PCED1B: variants seen among roughly 807,000 people sequenced by gnomAD.
The protein encoded by PCED1B is PC-esterase domain-containing protein 1B.
For synonymous variants in PCED1B, 251 were observed against 246.1 expected, an observed-to-expected ratio of 1.02 and a Z score of -0.19; for missense variants, 573 against 573.9, an observed-to-expected ratio of 1.00 and a Z score of 0.02.
At chr12:47,230,621 TC>T in intron 3 of PCED1B, among the ~76,000 whole-genome samples, 1 of 152,168 alleles carries the variant, frequency 6.6e-6, no homozygotes, top group Middle Eastern at 3.4e-3. Flanking sequence ...TTTGTATTTT[TC>T]GTAGAGACAG....
chr12:47,190,856 T>TA (rs1942419621), intron 2 of PCED1B, among the ~76,000 whole-genome samples: 1 of 152,166 alleles, frequency 6.6e-6, no homozygotes, highest in Admixed American at 6.5e-5. Context: ...TGGGGGGCTT[T>TA]TACGAGTAAG....
At chr12:47,227,798 AGC>A (rs1455966210) in intron 3 of PCED1B, among the ~76,000 whole-genome samples, 1 of 151,920 alleles carries the variant, frequency 6.6e-6, no homozygotes, top group African/African-American at 2.4e-5. Context: ...AGTTTCAGTG[AGC>A]TGAGATCTCG....
chr12:47,217,397 GA>G (rs34938327), intron 3 of PCED1B, among the ~76,000 whole-genome samples: 43,137 of 134,570 alleles, frequency 0.32, 10,954 homozygotes, highest in African/African-American at 0.64. Flanking sequence ...AGACAAGAAA[GA>G]AACAGAGAGA....
Position 47,219,218 on chromosome 12 carries a change from A to G in PCED1B, c.-58+2529A>G, listed in dbSNP as rs547010110. ...GAATTTAAATACTACAAAAATGGTA[A>G]CAATAATGATAGCAACAATAATAAA... On this transcript the variant is annotated intron_variant, in intron 3 of 3. Transcript: ENST00000546455. Among the ~76,000 whole-genome samples, 8 of 152,350 alleles carry G rather than the reference A, an allele frequency of 5.3e-5. No homozygotes were observed. The East Asian group carries it at 9.6e-4, about 18-fold the overall frequency.
At chr12:47,187,876 G>A (rs1048880524) in intron 2 of PCED1B, 6 of 153,986 alleles carry the variant, frequency 3.9e-5, no homozygotes, top group Non-Finnish European at 5.9e-5. Flanking sequence ...TGTAGAGGAA[G>A]ACCCCAGAAG....
chr12:47,220,285 C>T (rs1291680690), intron 3 of PCED1B, among the ~76,000 whole-genome samples: 2 of 152,060 alleles, frequency 1.3e-5, no homozygotes, highest in African/African-American at 4.8e-5. Flanking sequence ...AATTCTCTTG[C>T]CTCGGCCTCC....
chr12:47,203,130 C>T lies in PCED1B; in HGVS notation c.-525-13092C>T, dbSNP rs542886657. ...GACTACAGGCAGCCGCCACCATGCC[C>T]GGCTAATTTTTGTATTTTTAGTAGA... On this transcript the variant is annotated intron_variant, in intron 2 of 3. Transcript: ENST00000546455. Among the ~76,000 whole-genome samples, 7 of 151,918 alleles carry T rather than the reference C, an allele frequency of 4.6e-5. No individual in the cohort carries two copies. In the South Asian group the frequency reaches 6.2e-4, roughly 14 times the overall value.
chr12:47,096,980 C>T (rs868298733), intron 1 of PCED1B, among the ~76,000 whole-genome samples: 5 of 152,142 alleles, frequency 3.3e-5, no homozygotes, highest in African/African-American at 9.7e-5. Context: ...ACTAAATATA[C>T]CCAGTCGAAT....
At chr12:47,093,036 T>G (rs959848283) in intron 1 of PCED1B, among the ~76,000 whole-genome samples, 4 of 152,034 alleles carry the variant, frequency 2.6e-5, no homozygotes, top group Non-Finnish European at 5.9e-5. Flanking sequence ...CTTCTCTTTC[T>G]GTGTTCTGGA....
intron 2 of PCED1B, among the ~76,000 whole-genome samples, chr12:47,184,351 G>A (rs1256986332): frequency 6.6e-6 from 1 of 152,112 alleles, no homozygotes; most frequent in Non-Finnish European, 1.5e-5. Flanking sequence ...TTGATTTATA[G>A]CATTTGCAGA....
intron 3 of PCED1B, among the ~76,000 whole-genome samples, chr12:47,229,800 C>G (rs529357486): frequency 9.2e-5 from 14 of 151,882 alleles, no homozygotes; most frequent in Non-Finnish European, 1.3e-4. Flanking sequence ...GATGGAGTCT[C>G]TCTCTGTCAC....
intron 1 of PCED1B, among the ~76,000 whole-genome samples, chr12:47,081,986 G>A (rs1937754440): frequency 6.6e-6 from 1 of 152,174 alleles, no homozygotes; most frequent in African/African-American, 2.4e-5. Flanking sequence ...TTATCCATTT[G>A]AAGACCTGAT....
rs552147313 is a variant in PCED1B at position 47,167,154 on chromosome 12, G to A, written c.-525-49068G>A. ...AGGAGATATCTTTAAAGATGGAAATGTTCTAAATTTTCTTTATTAAAGGAA... is the reference window on the plus strand; with the variant it reads ...AGGAGATATCTTTAAAGATGGAAATATTCTAAATTTTCTTTATTAAAGGAA... On this transcript the variant is annotated intron_variant, in intron 2 of 3. Coordinates refer to ENST00000546455, the MANE Select transcript of PCED1B (RefSeq NM_138371.3). Among the ~76,000 whole-genome samples the A allele has an allele frequency of 2.0e-5, 3 of 152,132 alleles. No homozygotes were observed. The East Asian group carries it at 5.8e-4, about 29-fold the overall frequency.
chr12:47,211,521 G>A (rs1382128505), intron 2 of PCED1B, among the ~76,000 whole-genome samples: 1 of 151,394 alleles, frequency 6.6e-6, no homozygotes, highest in Non-Finnish European at 1.5e-5. Context: ...AGGTGTAGTG[G>A]CACATGGCTA....
At chr12:47,153,507 T>C (rs1488174672) in intron 2 of PCED1B, among the ~76,000 whole-genome samples, 3 of 152,184 alleles carry the variant, frequency 2.0e-5, no homozygotes, top group Non-Finnish European at 2.9e-5. Flanking sequence ...CTGGCAACTT[T>C]ATCTCCCAAT....
chr12:47,174,847 A>C (rs1941872246), intron 2 of PCED1B, among the ~76,000 whole-genome samples: 1 of 152,204 alleles, frequency 6.6e-6, no homozygotes, highest in South Asian at 2.1e-4. Context: ...AACTTGAGCA[A>C]GTTACTTAGC....
intron 3 of PCED1B, among the ~76,000 whole-genome samples, chr12:47,218,824 T>C (rs1215616011): frequency 6.6e-6 from 1 of 151,936 alleles, no homozygotes; most frequent in Non-Finnish European, 1.5e-5. Flanking sequence ...CTCTCATTTT[T>C]AAATTCAAAA....
At chr12:47,170,354 A>G (rs1423353863) in intron 2 of PCED1B, among the ~76,000 whole-genome samples, 1 of 152,158 alleles carries the variant, frequency 6.6e-6, no homozygotes, top group Non-Finnish European at 1.5e-5. Context: ...CCCCTTTGCT[A>G]TTCGGCAAAA....
intron 2 of PCED1B, among the ~76,000 whole-genome samples, chr12:47,139,330 CAGCAG>C (rs1247096401): frequency 6.6e-6 from 1 of 152,172 alleles, no homozygotes; most frequent in Non-Finnish European, 1.5e-5. Context: ...TAATGGGGAG[CAGCAG>C]ACAGTTGCAG....
Sources: allele counts gnomAD v4.1 joint callset (sites outside exome capture counted in the v4.1 genomes callset), GRCh38; gene constraint gnomAD v4.1.1; transcripts MANE v1.5; gene names NCBI Gene and HGNC (gene_info 2026-07-23, HGNC 2026-07-21).